DCLRE1B: variants seen among roughly 807,000 people sequenced by gnomAD.
The protein encoded by DCLRE1B is 5' exonuclease Apollo.
A neutral mutation model predicts 19.8 loss-of-function variants in DCLRE1B; 6 were observed. The observed-to-expected ratio is 0.30, with a 90% confidence interval of 0.17 to 0.60. The LOEUF is 0.60. Among genes scored for constraint, DCLRE1B ranks in the 20% least tolerant of loss-of-function variants. DCLRE1B has a pLI of 0.87. For synonymous variants in DCLRE1B, 258 were observed against 255.7 expected, an observed-to-expected ratio of 1.01 and a Z score of -0.09; for missense variants, 622 against 654.2, an observed-to-expected ratio of 0.95 and a Z score of 0.54.
intron 3 of DCLRE1B, 74 bp downstream of exon 3, chr1:113,908,265 C>A: frequency 6.5e-7 from 1 of 1,543,814 alleles, no homozygotes; most frequent in South Asian, 1.3e-5. Context: ...TCACATCTTT[C>A]AGATCTTTGT....
rs556874112 is a variant in DCLRE1B, at chr1:113,907,988, C to A, written c.356-21C>A. Reference sequence around the variant, plus strand: ...ATTCTTTTGTCTCTGACCTTCTGCCCCCATGTACATATTCCTCCAGGTGAT... The same window carrying A: ...ATTCTTTTGTCTCTGACCTTCTGCCACCATGTACATATTCCTCCAGGTGAT... On this transcript the variant is annotated intron_variant, in intron 2 of 3. Coordinates refer to ENST00000650450, the MANE Select transcript of DCLRE1B (RefSeq NM_022836.4). 11 of 1,608,468 alleles carry A rather than the reference C, an allele frequency of 6.8e-6. No individual in the cohort carries two copies. In the East Asian group the frequency reaches 1.8e-4, roughly 26 times the overall value.
rs1333588223 is a variant in DCLRE1B at position 113,905,627 on chromosome 1, A to G, written c.41A>G (p.Asp14Gly). ...VLIPHTPIAV[D>G]FWSLRRAGTA... ...ATCCCCCATACGCCCATCGCAGTGG[A>G]CTTCTGGAGCCTGCGCCGGGCTGGC... The change falls in exon 1 of 4, where the codon GAC (aspartate) becomes GGC (glycine). Residue 14 changes from aspartate to glycine, a missense_variant. By Grantham distance (94) the Asp-to-Gly change is moderately conservative. Coordinates refer to ENST00000650450, the MANE Select transcript of DCLRE1B (RefSeq NM_022836.4). 2 of 1,614,052 alleles carry G rather than the reference A, an allele frequency of 1.2e-6. No homozygotes were observed.
chr1:113,907,091 C>T lies in DCLRE1B; in HGVS notation c.285C>T (p.Leu95=), dbSNP rs547539348. Residue 95 remains leucine, a synonymous_variant, in exon 2 of 4, where the codon CTC becomes CTT. Coordinates refer to ENST00000650450, the MANE Select transcript of DCLRE1B (RefSeq NM_022836.4). ...IGQETMTVTL[L]DANHCPGSVM... ...AAGAGACCATGACCGTAACCCTCCT[C>T]GATGCCAATCACTGTCCTGGTTCTG... The T allele has an allele frequency of 8.7e-6, 14 of 1,613,440 alleles. No homozygotes were observed. In the African/African-American group the frequency reaches 1.1e-4, roughly 12 times the overall value.
rs533472415 is a variant in DCLRE1B at position 113,913,929 on chromosome 1, A to C, written c.*1738A>C. 6.6e-6 allele frequency: 1 copy of C among 152,254 alleles called. No homozygotes were observed. Among genetic ancestry groups the C allele is most frequent in the South Asian group, 2.1e-4 (1 of 4,828 alleles). 9.4% of individuals were successfully genotyped at this position (152,254 alleles called of 1,614,324 possible). On this transcript the variant is annotated 3_prime_UTR_variant, in exon 4 of 4. Coordinates refer to ENST00000650450, the MANE Select transcript of DCLRE1B (RefSeq NM_022836.4). ...CTACATTTTAATTTCTTGATATCTT[A>C]AGCATTTCACTTATTAGATATTGTT...
At chr1:113,905,176 C>A, upstream of DCLRE1B, 4 of 340,178 alleles carry the variant, frequency 1.2e-5, no homozygotes, top group South Asian at 8.3e-5. Flanking sequence ...TCCCCGCGAG[C>A]GAGCGCTAAG....
chr1:113,908,174 A>T lies in DCLRE1B; in HGVS notation c.521A>T (p.Gln174Leu). 3 of 1,613,770 alleles carry T rather than the reference A, an allele frequency of 1.9e-6. No individual in the cohort carries two copies. The highest frequency in any genetic ancestry group is 2.5e-6 in the Non-Finnish European group (3 of 1,179,860). Residue 174 changes from glutamine (Q) to leucine (L), a missense_variant, in exon 3 of 4, where the codon CAA becomes CTA. Physicochemically the swap from Gln to Leu is moderately radical, Grantham distance 113. This residue lies in a region of DCLRE1B where 237 missense variants were observed against 223.8 expected (regional missense o/e 1.06). Transcript: ENST00000650450. ...QIVQLIRKHPQHNIKIGLYSL... is the reference protein window; with the variant it reads ...QIVQLIRKHPLHNIKIGLYSL... ...GTCCAGCTCATTCGAAAACACCCAC[A>T]ACATAACATAAAGATTGGTGAGTTG...
At chr1:113,908,290 C>A in intron 3 of DCLRE1B, 99 bp downstream of exon 3, 1 of 1,457,140 alleles carries the variant, frequency 6.9e-7, no homozygotes, top group Non-Finnish European at 9.3e-7. Flanking sequence ...TTCTCACTTT[C>A]TCCTACACTG....
chr1:113,908,803 G>GCACACA (rs35433996), intron 3 of DCLRE1B, among the ~76,000 whole-genome samples: 1 of 150,722 alleles, frequency 6.6e-6, no homozygotes, highest in African/African-American at 2.4e-5. Context: ...ACATACGCGT[G>GCACACA]CACACACACA....
In DCLRE1B at chr1:113,905,726, C is replaced by G. The variant is rs773124729; in HGVS notation, c.140C>G (p.Pro47Arg). ...TVGLSSTWAR[P>R]LYCSPITAHL... ...GGCCTGTCTAGCACCTGGGCCCGGCCCCTCTACTGCTCCCCAATTACAGCC... is the reference window on the plus strand; with the variant it reads ...GGCCTGTCTAGCACCTGGGCCCGGCGCCTCTACTGCTCCCCAATTACAGCC... The change falls in exon 1 of 4, where the codon CCC becomes CGC. Residue 47 changes from proline (P) to arginine (R), a missense_variant. This residue lies in a region of DCLRE1B where 237 missense variants were observed against 223.8 expected (regional missense o/e 1.06). Transcript: ENST00000650450. The G allele has an allele frequency of 6.2e-6, 10 of 1,614,134 alleles. No individual in the cohort carries two copies. The highest frequency in any genetic ancestry group is 8.5e-6 in the Non-Finnish European group (10 of 1,180,022).
Position 113,913,043 on chromosome 1 carries a change from C to G in DCLRE1B, c.*852C>G, listed in dbSNP as rs368625654. On this transcript the variant is annotated 3_prime_UTR_variant, in exon 4 of 4. Coordinates refer to ENST00000650450, the MANE Select transcript of DCLRE1B (RefSeq NM_022836.4). Reference sequence around the variant, plus strand: ...GATATTCCTCCAATTGTTCACATAGCTGGGATATTTGTTGCTCCCCTCACC... The same window carrying G: ...GATATTCCTCCAATTGTTCACATAGGTGGGATATTTGTTGCTCCCCTCACC... 1 of 152,764 alleles carries G rather than the reference C, an allele frequency of 6.5e-6. No homozygotes were observed. Among genetic ancestry groups the G allele is most frequent in the East Asian group, 1.9e-4 (1 of 5,336 alleles). 9.5% of individuals were successfully genotyped at this position (152,764 alleles called of 1,614,324 possible).
chr1:113,906,958 G>A (rs1669038850), intron 1 of DCLRE1B, 38 bp from the exon 2 acceptor site: 1 of 1,610,560 alleles, frequency 6.2e-7, no homozygotes, highest in Non-Finnish European at 8.5e-7. Context: ...TAACGGAGAG[G>A]AGTCAGTGGT....
In DCLRE1B at chr1:113,907,038, C is replaced by T. The variant is rs1360399087; in HGVS notation, c.232C>T (p.His78Tyr). 2 of 1,613,712 alleles carry T rather than the reference C, an allele frequency of 1.2e-6. No homozygotes were observed. The highest frequency in any genetic ancestry group is 1.3e-5 in the African/African-American group (1 of 74,746). ...CCAAGCCCTGGAGGTTGGTGAGAGC[C>T]ATGTATTACCCCTAGATGAAATTGG... The part of the protein sequence containing the change: ...WIQALEVGES[H>Y]VLPLDEIGQE... Residue 78 changes from histidine to tyrosine, a missense_variant, in exon 2 of 4, where the codon CAT (histidine) becomes TAT (tyrosine). Coordinates refer to ENST00000650450, the MANE Select transcript of DCLRE1B (RefSeq NM_022836.4).
Position 113,905,754 on chromosome 1 carries a change from CCT to C in DCLRE1B, c.171_172del (p.Leu58AlafsTer8). The part of the protein sequence containing the change: ...PLYCSPITAH[L>X]LHRHLQVSKQ... Reference sequence around the variant, plus strand: ...TCTACTGCTCCCCAATTACAGCCCACCTCTTGCATCGTCACCTACAGGTATGG... The same window carrying C: ...TCTACTGCTCCCCAATTACAGCCCACCTTGCATCGTCACCTACAGGTATGG... On this transcript the variant is annotated frameshift_variant, in exon 1 of 4. Coordinates refer to ENST00000650450, the MANE Select transcript of DCLRE1B (RefSeq NM_022836.4). LOFTEE classifies it high-confidence loss of function. The C allele has an allele frequency of 1.2e-6, 2 of 1,613,702 alleles. No homozygotes were observed. The highest frequency in any genetic ancestry group is 2.2e-5 in the South Asian group (2 of 91,008).
At chr1:113,909,278 G>T (rs1330779879) in intron 3 of DCLRE1B, among the ~76,000 whole-genome samples, 2 of 152,178 alleles carry the variant, frequency 1.3e-5, no homozygotes, top group African/African-American at 2.4e-5. Context: ...GTTTGTGCTT[G>T]TTGTACTGAT....
At chr1:113,904,756 G>C, upstream of DCLRE1B, 1 of 1,541,068 alleles carries the variant, frequency 6.5e-7, no homozygotes, top group African/African-American at 1.4e-5. Context: ...CAGCTCCCAC[G>C]GTAACTCGAG....
chr1:113,912,142 C>A lies in DCLRE1B; in HGVS notation c.1550C>A (p.Ser517Tyr). ...GTGAACTTTTTCCAGGCAGGGTATT[C>A]TTCCAGGAGATTTGACCAGCAAGTG... ...TPVNFFQAGY[S>Y]SRRFDQQVEK... Residue 517 changes from serine to tyrosine, a missense_variant, in exon 4 of 4, where the codon TCT (serine) becomes TAT (tyrosine). Ser to Tyr is a moderately radical substitution (Grantham distance 144, BLOSUM62 -2). Transcript: ENST00000650450. 6.2e-7 allele frequency: 1 copy of A among 1,614,124 alleles called. No individual in the cohort carries two copies. Among genetic ancestry groups the A allele is most frequent in the African/African-American group, 1.3e-5 (1 of 75,042 alleles).
At chr1:113,911,056 T>A in intron 3 of DCLRE1B, 75 bp from the exon 4 acceptor site, 1 of 1,369,544 alleles carries the variant, frequency 7.3e-7, no homozygotes, top group Non-Finnish European at 1.0e-6. Context: ...AACATTTTGT[T>A]GATTTATTAG....
Position 113,912,242 on chromosome 1 carries a change from G to A in DCLRE1B, c.*51G>A, listed in dbSNP as rs1458277416. 1 of 1,503,816 alleles carries A rather than the reference G, an allele frequency of 6.6e-7. No individual in the cohort carries two copies. The highest frequency in any genetic ancestry group is 2.3e-5 in the East Asian group (1 of 44,170). 93.2% of individuals were successfully genotyped at this position (1,503,816 alleles called of 1,614,324 possible). On this transcript the variant is annotated 3_prime_UTR_variant, in exon 4 of 4. Transcript: ENST00000650450. ...ATTGAGCCCACACTGCAGTTTTGAA[G>A]ATAGTAACTGATGGCTGGTGGGAAA...
rs28381075 is a variant in DCLRE1B, at chr1:113,909,587, C to A, written c.538+1396C>A. On this transcript the variant is annotated intron_variant, in intron 3 of 3. Transcript: ENST00000650450. Reference sequence around the variant, plus strand: ...TACCAAATCGATTGAGAAATATCCTCTACTCTCAGGATTGCTTAGCTACTT... The same window carrying A: ...TACCAAATCGATTGAGAAATATCCTATACTCTCAGGATTGCTTAGCTACTT... Among the ~76,000 whole-genome samples, 26 of 152,288 alleles carry A rather than the reference C, an allele frequency of 1.7e-4. No homozygotes were observed. In the East Asian group the frequency reaches 5.0e-3, roughly 29 times the overall value.
Sources: allele counts gnomAD v4.1 joint callset (sites outside exome capture counted in the v4.1 genomes callset), GRCh38; gene constraint gnomAD v4.1.1; regional missense constraint gnomAD v4.1.1; transcripts MANE v1.5; gene names NCBI Gene and HGNC (gene_info 2026-07-23, HGNC 2026-07-21).